CDC42BPA: variants seen among roughly 807,000 people sequenced by gnomAD.
CDC42BPA encodes the protein serine/threonine-protein kinase MRCK alpha.
Under a neutral mutation model 223.5 loss-of-function variants are expected in CDC42BPA, and 80 were observed. The ratio of observed to expected loss-of-function variants is 0.36; its 90% CI spans 0.30 to 0.43. The LOEUF (loss-of-function observed/expected upper bound fraction) is 0.43. CDC42BPA is among the 20% of genes least tolerant of loss of function. CDC42BPA has a pLI of 1.00. For synonymous variants in CDC42BPA, 694 were observed against 718.6 expected (o/e 0.97, Z 0.55); for missense variants, 1,743 against 2,099.9 (o/e 0.83, Z 3.32).
At chr1:227,140,282 A>G (rs190016484) in intron 9 of CDC42BPA, among the ~76,000 whole-genome samples, 382 of 152,286 alleles carry the variant, frequency 2.5e-3, no homozygotes, top group Non-Finnish European at 4.6e-3. Flanking sequence ...TAAAGAAAAT[A>G]ATGGAGATAT....
Position 227,143,149 on chromosome 1 carries a change from TG to T in CDC42BPA, c.1144-126del, listed in dbSNP as rs146181143. On this transcript the variant is annotated intron_variant, in intron 8 of 36. Transcript: ENST00000366766. ...TTGTGACTGTTCAATTTTAAAACAC[TG>T]GTAAGTTTGGTATAGTTGTTTAGTG... 7.7e-3 allele frequency: 3,773 copies of T among 489,382 alleles called. 142 individuals carry two copies. The highest frequency in any genetic ancestry group is 0.071 in the African/African-American group (3,417 of 48,406). The allele number at this position is 489,382 out of a possible 1,614,324, so 30.3% of individuals were successfully genotyped here.
At chr1:227,138,374 C>G (rs945058762) in intron 10 of CDC42BPA, among the ~76,000 whole-genome samples, 1 of 151,862 alleles carries the variant, frequency 6.6e-6, no homozygotes, top group African/African-American at 2.4e-5. Flanking sequence ...AAAACCTTCA[C>G]TGAAGGCCTC....
chr1:226,995,543 T>C (rs1204057748), intron 35 of CDC42BPA, among the ~76,000 whole-genome samples: 2 of 152,226 alleles, frequency 1.3e-5, no homozygotes, highest in East Asian at 1.9e-4. Flanking sequence ...ATCGCTTATC[T>C]TCTAGAAAAT....
At chr1:227,016,843 C>T (rs1666374385) in intron 33 of CDC42BPA, 84 bp downstream of exon 33, 3 of 1,343,844 alleles carry the variant, frequency 2.2e-6, no homozygotes, top group Middle Eastern at 1.9e-4. Flanking sequence ...CCCAATTTTC[C>T]TTCCAAATCA....
In CDC42BPA at chr1:227,223,936, A is replaced by G. The variant is rs534133610; in HGVS notation, c.271-10717T>C. Among the ~76,000 whole-genome samples the G allele has an allele frequency of 1.9e-4, 29 of 152,308 alleles. 1 individual carries two copies. In the South Asian group the frequency reaches 5.2e-3, roughly 27 times the overall value. ...TTGTGCCCCACTGTAGGCTAATAAC[A>G]TAAGTGTTCTGAGCACGTTTAAGGT... is the stretch of plus-strand genomic sequence containing the variant. On this transcript the variant is annotated intron_variant, in intron 2 of 36. Coordinates refer to ENST00000366766, the MANE Select transcript of CDC42BPA (RefSeq NM_001394014.1).
In CDC42BPA at chr1:227,188,877, T is replaced by C. The variant is rs188182806; in HGVS notation, c.599+4909A>G. On this transcript the variant is annotated intron_variant, in intron 5 of 36. Transcript: ENST00000366766. ...GGACTTAGGTGATAATGAAGGGTCA[T>C]TGATGTTAACAAATGTGCCACACTC... 8.5e-5 allele frequency among the ~76,000 whole-genome samples: 13 copies of C among 152,152 alleles called. No homozygotes were observed. The South Asian group carries it at 1.2e-3, about 15-fold the overall frequency.
intron 14 of CDC42BPA, among the ~76,000 whole-genome samples, chr1:227,103,105 T>C (rs922872992): frequency 2.0e-5 from 3 of 152,138 alleles, no homozygotes; most frequent in Non-Finnish European, 4.4e-5. Context: ...ACCACTCTTA[T>C]GCGACATTCA....
At chr1:227,262,111 A>G (rs570003163) in intron 1 of CDC42BPA, among the ~76,000 whole-genome samples, 9 of 152,296 alleles carry the variant, frequency 5.9e-5, no homozygotes, top group African/African-American at 2.2e-4. Context: ...AATCAAAACA[A>G]ATGGGAAGAT....
At chr1:227,153,528 C>T (rs1362305617) in intron 6 of CDC42BPA, among the ~76,000 whole-genome samples, 2 of 151,574 alleles carry the variant, frequency 1.3e-5, no homozygotes, top group African/African-American at 4.8e-5. Flanking sequence ...AAGAGAAGCA[C>T]AAATAAACAA....
At chr1:227,010,868 C>A in intron 34 of CDC42BPA, 4 of 1,342,542 alleles carry the variant, frequency 3.0e-6, no homozygotes, top group African/African-American at 1.5e-5. Context: ...CCTGACTCAG[C>A]TGTTCATACC....
chr1:227,268,300 A>C (rs977054238), intron 1 of CDC42BPA, among the ~76,000 whole-genome samples: 1 of 152,184 alleles, frequency 6.6e-6, no homozygotes, highest in Non-Finnish European at 1.5e-5. Context: ...CAGACGGTGC[A>C]GCTCACAAAG....
chr1:227,015,913 T>C (rs1666137914), intron 34 of CDC42BPA, among the ~76,000 whole-genome samples, 167 bp downstream of exon 34: 1 of 152,322 alleles, frequency 6.6e-6, no homozygotes, highest in East Asian at 1.9e-4. Context: ...TTATGTTTTG[T>C]TCATCAGGTA....
At chr1:227,248,372 C>T (rs1681366293) in intron 2 of CDC42BPA, among the ~76,000 whole-genome samples, 1 of 152,096 alleles carries the variant, frequency 6.6e-6, no homozygotes, top group Non-Finnish European at 1.5e-5. Context: ...TCCACACACA[C>T]ACACAAAAAA....
chr1:227,255,817 GA>G (rs1336002879), intron 1 of CDC42BPA, among the ~76,000 whole-genome samples: 1 of 152,126 alleles, frequency 6.6e-6, no homozygotes, highest in African/African-American at 2.4e-5. Context: ...TTAAATAAAT[GA>G]AAAGACATCC....
intron 2 of CDC42BPA, among the ~76,000 whole-genome samples, chr1:227,242,848 G>A (rs1398887365): frequency 1.3e-5 from 2 of 152,104 alleles, no homozygotes; most frequent in Admixed American, 6.6e-5. Flanking sequence ...AATATAAATT[G>A]TTCTCTTATA....
intron 34 of CDC42BPA, among the ~76,000 whole-genome samples, chr1:227,010,560 G>C (rs1664973363): frequency 6.6e-6 from 1 of 152,138 alleles, no homozygotes; most frequent in African/African-American, 2.4e-5. Context: ...TGTTTTAACA[G>C]AATAGAGAGC....
intron 1 of CDC42BPA, among the ~76,000 whole-genome samples, chr1:227,263,544 A>C (rs1341166024): frequency 6.6e-6 from 1 of 152,108 alleles, no homozygotes; most frequent in East Asian, 1.9e-4. Context: ...CCACTATACA[A>C]GACAAACCTT....
chr1:227,245,284 CTTTT>C (rs759666049), intron 2 of CDC42BPA, among the ~76,000 whole-genome samples: 1 of 81,786 alleles, frequency 1.2e-5, no homozygotes, highest in East Asian at 3.5e-4. Context: ...TGTCTTGCAT[CTTTT>C]TTTTTTTTTT....
intron 14 of CDC42BPA, chr1:227,112,051 A>G (rs1202044758): frequency 3.5e-6 from 1 of 289,148 alleles, no homozygotes; most frequent in East Asian, 6.1e-5. Flanking sequence ...TTACCAGTAC[A>G]TCTTGTGTAG....
Sources: gnomAD v4.1 joint callset for allele counts (sites outside exome capture counted in the v4.1 genomes callset) on GRCh38, gnomAD v4.1.1 for gene constraint, MANE v1.5 for transcripts, NCBI Gene and HGNC (gene_info 2026-07-23, HGNC 2026-07-21) for gene names.